CLCA2: variants seen among roughly 807,000 people sequenced by gnomAD.
CLCA2 encodes the protein calcium-activated chloride channel regulator 2.
A neutral mutation model predicts 82.9 loss-of-function variants in CLCA2; 85 were observed. That is an observed-to-expected ratio of 1.03 (90% CI 0.86 to 1.23). The LOEUF (loss-of-function observed/expected upper bound fraction) is 1.23, where lower values mean the gene tolerates loss of function less well. CLCA2 is among the 50% of genes most tolerant of loss of function. CLCA2 has a pLI of 0.00. For missense variants in CLCA2, 1,089 were observed against 1,124.8 expected (o/e 0.97, Z 0.45); for synonymous variants, 421 against 391.7 (o/e 1.07, Z -0.88).
In CLCA2 at chr1:86,447,671, C is replaced by T; in HGVS notation, c.1877C>T (p.Ala626Val). ...LHFPHPVMIY[A>V]NVKQGFYPIL... The stretch of plus-strand genomic sequence containing the variant: ...TTTCCTCATCCTGTGATGATTTATG[C>T]CAATGTGAAACAGGGATTTTATCCC... The change falls in exon 11 of 14, where the codon GCC (alanine) becomes GTC (valine). Residue 626 changes from alanine to valine, a missense_variant. Physicochemically the swap from Ala to Val is moderately conservative, Grantham distance 64. Transcript: ENST00000370565. 5.0e-6 allele frequency: 8 copies of T among 1,614,058 alleles called. No individual in the cohort carries two copies. The highest frequency in any genetic ancestry group is 6.8e-6 in the Non-Finnish European group (8 of 1,179,988).
At chr1:86,429,420 G>A (rs1442514308) in intron 3 of CLCA2, among the ~76,000 whole-genome samples, 1 of 152,198 alleles carries the variant, frequency 6.6e-6, no homozygotes, top group Non-Finnish European at 1.5e-5. Context: ...TAAGGAACAA[G>A]GCACACACCA....
intron 10 of CLCA2, among the ~76,000 whole-genome samples, chr1:86,444,312 T>G (rs146566061): frequency 2.3e-3 from 343 of 152,316 alleles, no homozygotes; most frequent in African/African-American, 7.9e-3. Context: ...ACAAACACAC[T>G]TTTCTATATG....
chr1:86,424,424 A>C lies in CLCA2; in HGVS notation c.177A>C (p.Ser59=). 1 of 1,610,466 alleles carries C rather than the reference A, an allele frequency of 6.2e-7. No individual in the cohort carries two copies. The highest frequency in any genetic ancestry group is 8.5e-7 in the Non-Finnish European group (1 of 1,178,354). The change falls in exon 1 of 14, where the codon TCA becomes TCC. Residue 59 remains serine (S), a synonymous_variant. Coordinates refer to ENST00000370565, the MANE Select transcript of CLCA2 (RefSeq NM_006536.7). Reference sequence around the variant, plus strand: ...TACCTGAGAATCAGAACCTCATCTCAAACATTAAGGTGAGTGGAAATTATG... The same window carrying C: ...TACCTGAGAATCAGAACCTCATCTCCAACATTAAGGTGAGTGGAAATTATG... ...PQVPENQNLI[S]NIKEMITEAS...
At chr1:86,452,971 G>A (rs1280443362) in intron 12 of CLCA2, among the ~76,000 whole-genome samples, 2 of 152,084 alleles carry the variant, frequency 1.3e-5, no homozygotes, top group Non-Finnish European at 1.5e-5. Context: ...ACAGGAGTTC[G>A]AGACCAGCCT....
In CLCA2 at chr1:86,438,943, C is replaced by G; in HGVS notation, c.1040C>G (p.Thr347Ser). The G allele has an allele frequency of 2.5e-6, 4 of 1,614,092 alleles. No individual in the cohort carries two copies. Among genetic ancestry groups the G allele is most frequent in the Non-Finnish European group, 3.4e-6 (4 of 1,179,992 alleles). ...TTGATGCAGATTGTTGAAATTCATA[C>G]CTTCGTGGGCATTGCCAGTTTCGAC... ...FYLMQIVEIH[T>S]FVGIASFDSK... The change falls in exon 7 of 14, where the codon ACC (threonine) becomes AGC (serine). Residue 347 changes from threonine (T) to serine (S), a missense_variant. Physicochemically the swap from Thr to Ser is moderately conservative, Grantham distance 58. Transcript: ENST00000370565.
chr1:86,438,892 A>C lies in CLCA2; in HGVS notation c.989A>C (p.Gln330Pro). 6.2e-7 allele frequency: 1 copy of C among 1,614,052 alleles called. No individual in the cohort carries two copies. Among genetic ancestry groups the C allele is most frequent in the South Asian group, 1.1e-5 (1 of 91,082 alleles). ...GGGACATAGGCTGACAGACTCCTTC[A>C]ACTACAACAAGCCGCAGAATTTTAT... ...SKMAEADRLL[Q>P]LQQAAEFYLM... The change falls in exon 7 of 14, where the codon CAA becomes CCA. Residue 330 changes from glutamine (Q) to proline (P), a missense_variant. Gln to Pro is a moderately conservative substitution (Grantham distance 76, BLOSUM62 -1). Transcript: ENST00000370565.
At chr1:86,453,273 A>G (rs928815932) in intron 12 of CLCA2, 96 bp from the exon 13 acceptor site, 10 of 817,482 alleles carry the variant, frequency 1.2e-5, no homozygotes, top group Non-Finnish European at 1.7e-5. Flanking sequence ...TGTAGTAAAG[A>G]AAAAAAGGTT....
In CLCA2 at chr1:86,453,601, G is replaced by A. The variant is rs774911962; in HGVS notation, c.2388G>A (p.Gln796=). The stretch of plus-strand genomic sequence containing the variant: ...CTGGAGAAGACTTTGATCAGGGCCA[G>A]GGTAGGTTTGCTCATTTCATTACCT... ...TAPGEDFDQG[Q]ATSYEIRMSK... is the part of the protein sequence containing the mutation. Residue 796 remains glutamine (Q), a splice_region_variant and synonymous_variant, in exon 13 of 14, where the codon CAG becomes CAA. Coordinates refer to ENST00000370565, the MANE Select transcript of CLCA2 (RefSeq NM_006536.7). 2 of 1,612,876 alleles carry A rather than the reference G, an allele frequency of 1.2e-6. No individual in the cohort carries two copies. The highest frequency in any genetic ancestry group is 2.2e-5 in the East Asian group (1 of 44,870).
intron 5 of CLCA2, among the ~76,000 whole-genome samples, chr1:86,434,207 G>A (rs1289788881): frequency 6.6e-6 from 1 of 152,034 alleles, no homozygotes; most frequent in Non-Finnish European, 1.5e-5. Context: ...GGAAGAGGGA[G>A]ATTGTTTTGT....
At chr1:86,435,480 G>A (rs1297915301) in intron 6 of CLCA2, among the ~76,000 whole-genome samples, 1 of 152,188 alleles carries the variant, frequency 6.6e-6, no homozygotes, top group East Asian at 1.9e-4. Flanking sequence ...ATTGTGTACA[G>A]AAGACCATAT....
At chr1:86,425,515 A>G (rs759291413) in intron 2 of CLCA2, 39 bp downstream of exon 2, 1 of 1,458,612 alleles carries the variant, frequency 6.9e-7, no homozygotes, top group Non-Finnish European at 9.2e-7. Flanking sequence ...CTCAAGGGGA[A>G]AAAAAACACC....
chr1:86,455,248 G>C lies in CLCA2; in HGVS notation c.2553G>C (p.Gln851His), dbSNP rs1265630272. The C allele has an allele frequency of 2.5e-6, 4 of 1,613,986 alleles. No homozygotes were observed. The highest frequency in any genetic ancestry group is 3.4e-6 in the Non-Finnish European group (4 of 1,180,020). The change falls in exon 14 of 14, where the codon CAG (glutamine) becomes CAC (histidine). Residue 851 changes from glutamine (Q) to histidine (H), a missense_variant. Transcript: ENST00000370565. ...PQISTNGPEH[Q>H]PNGETHESHR... ...TTTCCACGAATGGACCTGAACATCA[G>C]CCAAATGGAGAAACACATGAAAGCC...
chr1:86,438,137 G>GC (rs5775907), intron 6 of CLCA2, among the ~76,000 whole-genome samples: 1 of 152,136 alleles, frequency 6.6e-6, no homozygotes, highest in Non-Finnish European at 1.5e-5. Context: ...CCAGGAAGAT[G>GC]CTTGAGTTGG....
chr1:86,448,838 T>A (rs1662907648), intron 11 of CLCA2, among the ~76,000 whole-genome samples: 1 of 152,244 alleles, frequency 6.6e-6, no homozygotes, highest in Admixed American at 6.5e-5. Flanking sequence ...TGATGGCTTA[T>A]CCATGGTTGC....
At position 86,455,165 on chromosome 1, in the gene CLCA2, T is replaced by C; in HGVS notation, c.2470T>C (p.Ser824Pro). 1 of 1,613,094 alleles carries C rather than the reference T, an allele frequency of 6.2e-7. No individual in the cohort carries two copies. Among genetic ancestry groups the C allele is most frequent in the Non-Finnish European group, 8.5e-7 (1 of 1,179,288 alleles). Residue 824 changes from serine to proline, a missense_variant, in exon 14 of 14, where the codon TCA becomes CCA. Ser to Pro is a moderately conservative substitution (Grantham distance 74, BLOSUM62 -1). Coordinates refer to ENST00000370565, the MANE Select transcript of CLCA2 (RefSeq NM_006536.7). ...TAACAATGCTATTTTAGTAAATACA[T>C]CAAAGCGAAATCCTCAGCAAGCTGG... Reference protein sequence around the residue: ...DFNNAILVNTSKRNPQQAGIR... With the variant: ...DFNNAILVNTPKRNPQQAGIR...
chr1:86,446,395 G>T (rs1335048912), intron 10 of CLCA2, among the ~76,000 whole-genome samples: 1 of 151,894 alleles, frequency 6.6e-6, no homozygotes. Context: ...TCACACCTGT[G>T]TATAAGGGCC....
chr1:86,434,573 A>G lies in CLCA2; in HGVS notation c.800A>G (p.Asn267Ser). ...THNQEAPNLQ[N>S]QMCSLRSAWD... ...AACCAAGAAGCACCAAACCTACAGA[A>G]CCAGATGTGCAGCCTCAGAAGTGCA... The change falls in exon 6 of 14, where the codon AAC becomes AGC. Residue 267 changes from asparagine (N) to serine (S), a missense_variant. Asn to Ser is a conservative substitution (Grantham distance 46, BLOSUM62 1). Coordinates refer to ENST00000370565, the MANE Select transcript of CLCA2 (RefSeq NM_006536.7). 1 of 1,614,102 alleles carries G rather than the reference A, an allele frequency of 6.2e-7. No homozygotes were observed. Among genetic ancestry groups the G allele is most frequent in the Non-Finnish European group, 8.5e-7 (1 of 1,180,000 alleles).
chr1:86,431,089 G>A (rs747152919), intron 4 of CLCA2, 119 bp downstream of exon 4: 15 of 658,230 alleles, frequency 2.3e-5, no homozygotes, highest in Non-Finnish European at 3.6e-5. Context: ...CTAAAACTTA[G>A]CTGATAAGAA....
At chr1:86,446,221 T>A (rs1382174955) in intron 10 of CLCA2, among the ~76,000 whole-genome samples, 2 of 146,412 alleles carry the variant, frequency 1.4e-5, no homozygotes, top group East Asian at 4.0e-4. Context: ...GGGAACTTTT[T>A]TTTTTTTTTT....
Sources: allele counts gnomAD v4.1 joint callset (sites outside exome capture counted in the v4.1 genomes callset), GRCh38; gene constraint gnomAD v4.1.1; transcripts MANE v1.5; gene names NCBI Gene and HGNC (gene_info 2026-07-23, HGNC 2026-07-21).